The following MRAP variants were observed in gnomAD, a reference collection of about 807,000 sequenced individuals.
MRAP encodes the protein melanocortin 2 receptor accessory protein.
In MRAP, 8 loss-of-function variants were observed where a neutral mutation model predicts 8.7. That is an observed-to-expected ratio of 0.92 (90% CI 0.54 to 1.66). MRAP has a LOEUF of 1.66. Ranked by LOEUF, MRAP falls within the 40% of genes most tolerant of loss-of-function variation. MRAP has a pLI of 0.00. For missense variants in MRAP, 237 were observed against 217.1 expected, an observed-to-expected ratio of 1.09 and a Z score of -0.58; for synonymous variants, 95 against 95.5, an observed-to-expected ratio of 1.00 and a Z score of 0.03.
At chr21:32,299,510 A>AT (rs779273903) in intron 1 of MRAP, among the ~76,000 whole-genome samples, 144 of 151,924 alleles carry the variant, frequency 9.5e-4, no homozygotes, top group Admixed American at 2.2e-3. Flanking sequence ...AATTTTGTGT[A>AT]TTTTTTTATA....
chr21:32,303,441 C>T (rs2032334418), intron 1 of MRAP, among the ~76,000 whole-genome samples: 1 of 152,226 alleles, frequency 6.6e-6, no homozygotes, highest in Admixed American at 6.5e-5. Flanking sequence ...GATAAGAATC[C>T]TCCCAAGATG....
rs2032425023 is a variant in MRAP at position 32,306,649 on chromosome 21, T to G, written c.116T>G (p.Val39Gly). 1 of 1,614,134 alleles carries G rather than the reference T, an allele frequency of 6.2e-7. No homozygotes were observed. The highest frequency in any genetic ancestry group is 1.1e-5 in the South Asian group (1 of 91,074). ...TCTCCTCCTCCCGCAGATTCCATCG[T>G]GATCGCATTCTGGGTGAGCCTGGCT... The part of the protein sequence containing the change: ...KKLKAHKHSI[V>G]IAFWVSLAAF... Residue 39 changes from valine (V) to glycine (G), a missense_variant, in exon 2 of 3, where the codon GTG (valine) becomes GGG (glycine). Transcript: ENST00000303645.
chr21:32,307,736 T>C (rs1482908089), intron 2 of MRAP, among the ~76,000 whole-genome samples: 2 of 151,996 alleles, frequency 1.3e-5, no homozygotes, highest in African/African-American at 2.4e-5. Flanking sequence ...TAGCTGGGCA[T>C]GGTAGTGCGC....
At position 32,311,753 on chromosome 21, in the gene MRAP, G is replaced by C. The variant is rs761106555; in HGVS notation, c.276G>C (p.Lys92Asn). The part of the protein sequence containing the change: ...HGLNLHLCIQ[K>N]CLPCHREPLA... ...TCAACCTCCACCTCTGCATCCAGAA[G>C]TGCCTGCCGTGCCACAGGGAACCCC... The change falls in exon 3 of 3, where the codon AAG (lysine) becomes AAC (asparagine). Residue 92 changes from lysine (K) to asparagine (N), a missense_variant. Lys to Asn is a moderately conservative substitution (Grantham distance 94, BLOSUM62 0). Transcript: ENST00000303645. 6.2e-7 allele frequency: 1 copy of C among 1,614,004 alleles called. No individual in the cohort carries two copies. The highest frequency in any genetic ancestry group is 1.3e-5 in the African/African-American group (1 of 74,944).
chr21:32,305,530 G>A (rs776902049), intron 1 of MRAP, among the ~76,000 whole-genome samples: 2 of 152,210 alleles, frequency 1.3e-5, no homozygotes, highest in Non-Finnish European at 2.9e-5. Context: ...GAAGTTCAGA[G>A]GAGGAGGAGG....
chr21:32,299,358 AGGGTCTAG>A (rs921813296), intron 1 of MRAP, among the ~76,000 whole-genome samples: 4 of 152,172 alleles, frequency 2.6e-5, no homozygotes, highest in Non-Finnish European at 4.4e-5. Flanking sequence ...TTTTGGAGAT[AGGGTCTAG>A]CTCTGTTGCC....
rs117536422 is a variant in MRAP at position 32,300,348 on chromosome 21, C to T, written c.106+1271C>T. On this transcript the variant is annotated intron_variant, in intron 1 of 2. Transcript: ENST00000303645. The stretch of plus-strand genomic sequence containing the variant: ...TGCATCCTATGTCAGGGGCGTCACG[C>T]GTCCTATGTCAGATGTCACACATCC... 1.7e-3 allele frequency among the ~76,000 whole-genome samples: 251 copies of T among 151,390 alleles called. 4 individuals carry two copies. In the East Asian group the frequency reaches 0.04, roughly 24 times the overall value.
chr21:32,311,553 G>A, intron 2 of MRAP, 131 bp from the exon 3 acceptor site: 2 of 1,348,328 alleles, frequency 1.5e-6, no homozygotes, highest in Non-Finnish European at 2.0e-6. Context: ...CCCTTCTCAG[G>A]AATTTGCCTG....
At chr21:32,300,297 T>C (rs1450498943) in intron 1 of MRAP, among the ~76,000 whole-genome samples, 1 of 152,164 alleles carries the variant, frequency 6.6e-6, no homozygotes, top group Admixed American at 6.5e-5. Context: ...TGGGATTACG[T>C]CGTATGTCAG....
rs201370496 is a variant in MRAP at position 32,311,793 on chromosome 21, G to C, written c.316G>C (p.Ala106Pro). Residue 106 changes from alanine to proline, a missense_variant, in exon 3 of 3, where the codon GCT becomes CCT. Coordinates refer to ENST00000303645, the MANE Select transcript of MRAP (RefSeq NM_001379228.1). ...CAGGGAACCCCTGGCAACCTCACAG[G>C]CTCAGGCGAGCTCAGTGGAGCCAGG... ...CHREPLATSQ[A>P]QASSVEPGSR... 1.7e-5 allele frequency: 28 copies of C among 1,613,978 alleles called. No homozygotes were observed. Among genetic ancestry groups the C allele is most frequent in the Non-Finnish European group, 5.9e-6 (7 of 1,180,042 alleles).
rs142897309 is a variant in MRAP, at chr21:32,311,985, T to C, written c.508T>C (p.Leu170=). 5 of 1,613,258 alleles carry C rather than the reference T, an allele frequency of 3.1e-6. No individual in the cohort carries two copies. Among genetic ancestry groups the C allele is most frequent in the Non-Finnish European group, 4.2e-6 (5 of 1,180,022 alleles). The change falls in exon 3 of 3, where the codon TTG becomes CTG. Residue 170 remains leucine, a synonymous_variant. Transcript: ENST00000303645. ...EPPPGDRTSQ[L]QS ...TCCCCCTGGAGACAGGACCTCTCAA[T>C]TGCAGAGCTGATGTCAGTAAATCGT...
upstream of MRAP, among the ~76,000 whole-genome samples, chr21:32,298,475 C>T (rs1474484246): frequency 6.6e-6 from 1 of 152,126 alleles, no homozygotes; most frequent in Non-Finnish European, 1.5e-5. Context: ...GAATCTAAGC[C>T]AGCAGTTTGG....
chr21:32,293,598 G>A (rs753996929), intron 2 of MRAP, among the ~76,000 whole-genome samples: 50 of 152,112 alleles, frequency 3.3e-4, no homozygotes, highest in Admixed American at 1.6e-3. Context: ...TTCAATAAAC[G>A]TTTGTGCCGT....
downstream of MRAP, chr21:32,312,418 T>A: frequency 1.2e-6 from 1 of 850,180 alleles, no homozygotes; most frequent in Non-Finnish European, 1.5e-6. Flanking sequence ...CAAGCTCCAC[T>A]AACACCCGCC....
rs149234113 is a variant in MRAP, at chr21:32,310,117, G to A, written c.207-1567G>A. 1.4e-3 allele frequency among the ~76,000 whole-genome samples: 216 copies of A among 152,320 alleles called. 1 individual carries two copies. The highest frequency in any genetic ancestry group is 2.5e-3 in the Non-Finnish European group (172 of 68,038). ...CCCTGGTCTGGTCCGGCAAGCCCAG[G>A]GGCTGCCTCCACCACGCCCAGCTCC... On this transcript the variant is annotated intron_variant, in intron 2 of 2. Coordinates refer to ENST00000303645, the MANE Select transcript of MRAP (RefSeq NM_001379228.1).
chr21:32,311,521 G>A, intron 2 of MRAP, 163 bp from the exon 3 acceptor site: 2 of 989,230 alleles, frequency 2.0e-6, no homozygotes, highest in Admixed American at 2.7e-5. Flanking sequence ...CTCTAGAATG[G>A]CCACCTTTGT....
At chr21:32,307,576 CAAA>C (rs1175455972) in intron 2 of MRAP, among the ~76,000 whole-genome samples, 10 of 60,410 alleles carry the variant, frequency 1.7e-4, no homozygotes, top group East Asian at 9.7e-4. Flanking sequence ...GACTCCGTCT[CAAA>C]AAAAAAAAAA....
chr21:32,308,092 G>T (rs1420250579), intron 2 of MRAP, among the ~76,000 whole-genome samples: 2 of 152,166 alleles, frequency 1.3e-5, no homozygotes, highest in Non-Finnish European at 2.9e-5. Context: ...CTTACCTTTG[G>T]CCAGGTGTGG....
upstream of MRAP, among the ~76,000 whole-genome samples, chr21:32,295,190 G>T (rs1208954194): frequency 1.3e-4 from 20 of 152,126 alleles, no homozygotes; most frequent in Non-Finnish European, 8.8e-5. Context: ...TTTAGAACAG[G>T]AGTGAACGCT....
Sources: allele counts gnomAD v4.1 joint callset (sites outside exome capture counted in the v4.1 genomes callset), GRCh38; gene constraint gnomAD v4.1.1; transcripts MANE v1.5; gene names NCBI Gene and HGNC (gene_info 2026-07-23, HGNC 2026-07-21).